The following COL25A1 variants were observed in gnomAD, a reference collection of about 807,000 sequenced individuals.
The protein encoded by COL25A1 is collagen alpha-1(XXV) chain.
Under a neutral mutation model 128.4 loss-of-function variants are expected in COL25A1, and 103 were observed. That is an observed-to-expected ratio of 0.80 (90% confidence interval 0.68 to 0.94). The LOEUF is 0.94. Ranked by LOEUF, COL25A1 falls within the 40% of genes least tolerant of loss-of-function variation. The pLI is 0.00. For synonymous variants in COL25A1, 279 were observed against 277.2 expected, an observed-to-expected ratio of 1.01 and a Z score of -0.06; for missense variants, 745 against 840.0, an observed-to-expected ratio of 0.89 and a Z score of 1.40.
At chr4:108,886,482 G>GTTTTTTTT (rs1740816575) in intron 18 of COL25A1, among the ~76,000 whole-genome samples, 1 of 106,466 alleles carries the variant, frequency 9.4e-6, no homozygotes, top group African/African-American at 3.8e-5. Flanking sequence ...GTGTGTGTGT[G>GTTTTTTTT]TGTGTGTGTG....
At chr4:109,010,891 A>G (rs1253209808) in intron 5 of COL25A1, among the ~76,000 whole-genome samples, 9 of 152,272 alleles carry the variant, frequency 5.9e-5, no homozygotes, top group Non-Finnish European at 8.8e-5. Context: ...AATTTAAAAA[A>G]TAAACCTTTA....
intron 37 of COL25A1, among the ~76,000 whole-genome samples, chr4:108,816,230 G>C (rs1394296335): frequency 1.3e-5 from 2 of 152,140 alleles, no homozygotes; most frequent in Admixed American, 1.3e-4. Context: ...ACTTTCTCTG[G>C]TCAAGTAGGT....
At chr4:108,939,486 A>G (rs1747820891) in intron 10 of COL25A1, among the ~76,000 whole-genome samples, 2 of 152,226 alleles carry the variant, frequency 1.3e-5, no homozygotes, top group Non-Finnish European at 1.5e-5. Flanking sequence ...ATAAAGAGTC[A>G]TTCTTTTAAA....
In COL25A1 at chr4:108,808,771, A is replaced by ATTGT. The variant is rs541693434; in HGVS notation, c.*5152_*5155dup. The ATTGT allele has an allele frequency of 1.3e-5, 2 of 152,206 alleles. No homozygotes were observed. The allele number at this position is 152,206 out of a possible 1,614,324, so 9.4% of individuals were successfully genotyped here. A position where few individuals can be genotyped will look rare whatever the true frequency, so the allele number is the denominator to read the frequency against. On this transcript the variant is annotated 3_prime_UTR_variant, in exon 38 of 38. Coordinates refer to ENST00000399132, the MANE Select transcript of COL25A1 (RefSeq NM_198721.4). ...CTTTATAACAATACAATTCATTATC[A>ATTGT]TTGTTTGGATTAATATTGTAATAAT... is the stretch of plus-strand genomic sequence containing the variant.
chr4:108,945,727 G>A (rs1426668376), intron 8 of COL25A1, among the ~76,000 whole-genome samples: 1 of 152,008 alleles, frequency 6.6e-6, no homozygotes, highest in African/African-American at 2.4e-5. Flanking sequence ...GTAGTGGCGC[G>A]ATCTCGGCTC....
chr4:108,942,265 G>T (rs886575662), intron 8 of COL25A1: 3 of 1,550,162 alleles, frequency 1.9e-6, no homozygotes, highest in Non-Finnish European at 2.6e-6. Context: ...AAGCCTGGCA[G>T]GCCCTATGGA....
intron 13 of COL25A1, among the ~76,000 whole-genome samples, chr4:108,911,426 C>G (rs1553966276): frequency 6.8e-6 from 1 of 147,598 alleles, no homozygotes; most frequent in Non-Finnish European, 1.5e-5. Flanking sequence ...CTTCGCAATA[C>G]TCTATAGATT....
At chr4:108,861,381 G>A (rs930475335) in intron 22 of COL25A1, among the ~76,000 whole-genome samples, 1 of 152,146 alleles carries the variant, frequency 6.6e-6, no homozygotes, top group African/African-American at 2.4e-5. Flanking sequence ...GAAGAAAAGT[G>A]TAGATAGTTG....
chr4:109,178,835 C>CAAAAAA (rs34132262), intron 3 of COL25A1, among the ~76,000 whole-genome samples: 3 of 47,558 alleles, frequency 6.3e-5, no homozygotes, highest in African/African-American at 9.3e-5. Context: ...ACTCCATCTC[C>CAAAAAA]AAAAAAAAAA....
At chr4:109,240,778 C>A (rs947922180) in intron 3 of COL25A1, among the ~76,000 whole-genome samples, 2 of 152,034 alleles carry the variant, frequency 1.3e-5, no homozygotes, top group African/African-American at 4.8e-5. Flanking sequence ...TCTTAAGTGA[C>A]CTTATAGGTC....
chr4:109,027,278 G>A (rs565448811), intron 5 of COL25A1, among the ~76,000 whole-genome samples: 1 of 152,248 alleles, frequency 6.6e-6, no homozygotes, highest in South Asian at 2.1e-4. Context: ...GGTGGTCATG[G>A]GGGGGCCTTG....
chr4:109,241,929 CT>C (rs1425742347), intron 3 of COL25A1, among the ~76,000 whole-genome samples: 1 of 151,310 alleles, frequency 6.6e-6, no homozygotes, highest in East Asian at 1.9e-4. Context: ...TTCTACTGCA[CT>C]TTTTTTTTAA....
intron 5 of COL25A1, among the ~76,000 whole-genome samples, chr4:109,016,397 G>A (rs557100603): frequency 6.6e-6 from 1 of 152,350 alleles, no homozygotes; most frequent in South Asian, 2.1e-4. Context: ...AAGGTGCCAT[G>A]GAAGACATGT....
intron 8 of COL25A1, among the ~76,000 whole-genome samples, chr4:108,958,344 T>G (rs556362156): frequency 6.6e-6 from 1 of 152,126 alleles, no homozygotes; most frequent in South Asian, 2.1e-4. Context: ...AGAAAATATA[T>G]ATAATAACTT....
intron 6 of COL25A1, 86 bp from the exon 7 acceptor site, chr4:108,974,645 T>C (rs1578947253): frequency 8.9e-7 from 1 of 1,123,826 alleles, no homozygotes; most frequent in Non-Finnish European, 1.3e-6. Flanking sequence ...GAAAGATTCA[T>C]TCAAAGAATA....
intron 3 of COL25A1, among the ~76,000 whole-genome samples, chr4:109,132,784 C>T (rs185825277): frequency 3.0e-4 from 45 of 152,162 alleles, no homozygotes; most frequent in African/African-American, 1.0e-3. Context: ...AAAGACACTT[C>T]TAATAATACA....
chr4:109,085,056 G>T (rs1764229912), intron 3 of COL25A1, among the ~76,000 whole-genome samples: 1 of 152,016 alleles, frequency 6.6e-6, no homozygotes, highest in African/African-American at 2.4e-5. Flanking sequence ...TCCTCCTTTT[G>T]GTTTCTGTGA....
intron 3 of COL25A1, among the ~76,000 whole-genome samples, chr4:109,164,210 T>C (rs1185615589): frequency 6.6e-6 from 1 of 152,168 alleles, no homozygotes; most frequent in East Asian, 1.9e-4. Context: ...AAACCTGGTA[T>C]GCAAATCCTC....
chr4:109,117,190 G>T (rs1353580436), intron 3 of COL25A1, among the ~76,000 whole-genome samples: 1 of 151,808 alleles, frequency 6.6e-6, no homozygotes, highest in Non-Finnish European at 1.5e-5. Context: ...CTACACCTAG[G>T]TATACATATC....
Sources: gnomAD v4.1 joint callset for allele counts (sites outside exome capture counted in the v4.1 genomes callset) on GRCh38, gnomAD v4.1.1 for gene constraint, MANE v1.5 for transcripts, NCBI Gene and HGNC (gene_info 2026-07-23, HGNC 2026-07-21) for gene names.